The following DLGAP2 variants were observed in gnomAD, a reference collection of about 807,000 sequenced individuals.
DLGAP2 encodes the protein disks large-associated protein 2.
DLGAP2 carries 26 observed loss-of-function variants against 100.3 expected under a neutral mutation model. The observed-to-expected ratio is 0.26, with a 90% confidence interval of 0.19 to 0.36. The LOEUF (loss-of-function observed/expected upper bound fraction) is 0.36, where lower values mean the gene tolerates loss of function less well. DLGAP2 is among the 10% of genes least tolerant of loss of function. The pLI, the probability that DLGAP2 is intolerant of heterozygous loss-of-function variation, is 1.00. For synonymous variants in DLGAP2, 886 were observed against 630.1 expected (o/e 1.41, Z -6.08); for missense variants, 1,858 against 1,453.2 (o/e 1.28, Z -4.53).
rs142961878 is a variant in DLGAP2 at position 1,114,509 on chromosome 8, G to T, written c.74-144342G>T. 3.1e-4 allele frequency among the ~76,000 whole-genome samples: 47 copies of T among 152,042 alleles called. 1 individual carries two copies. Among genetic ancestry groups the T allele is most frequent in the African/African-American group, 1.1e-3 (44 of 41,514 alleles). ...ATAGAGGTGTTCATAGTAGTTTTTGGTGGTTATTTTTATTTCTGTGGGGTC... is the reference window on the plus strand; with the variant it reads ...ATAGAGGTGTTCATAGTAGTTTTTGTTGGTTATTTTTATTTCTGTGGGGTC... On this transcript the variant is annotated intron_variant, in intron 2 of 14. Coordinates refer to ENST00000637795, the MANE Select transcript of DLGAP2 (RefSeq NM_001346810.2).
intron 3 of DLGAP2, among the ~76,000 whole-genome samples, chr8:1,450,518 C>T (rs917509964): frequency 2.6e-5 from 4 of 151,546 alleles, no homozygotes; most frequent in African/African-American, 9.7e-5. Context: ...TGAGGCGGAG[C>T]TGTGAGGACA....
At chr8:1,434,522 C>G (rs372638602) in intron 3 of DLGAP2, among the ~76,000 whole-genome samples, 131 of 152,156 alleles carry the variant, frequency 8.6e-4, no homozygotes, top group African/African-American at 2.9e-3. Flanking sequence ...TGTTTCCCAG[C>G]CTGGAGGGCA....
intron 2 of DLGAP2, among the ~76,000 whole-genome samples, chr8:916,418 T>G (rs1257219029): frequency 6.6e-6 from 1 of 152,092 alleles, no homozygotes; most frequent in Non-Finnish European, 1.5e-5. Context: ...TCAGCAACTA[T>G]TGCAAGGACA....
chr8:1,582,633 A>G (rs1286904509), intron 6 of DLGAP2, among the ~76,000 whole-genome samples: 1 of 152,040 alleles, frequency 6.6e-6, no homozygotes, highest in Non-Finnish European at 1.5e-5. Flanking sequence ...TCCGTCACCC[A>G]GGCTGGAGTG....
chr8:747,182 G>A (rs1028917823), intron 1 of DLGAP2, among the ~76,000 whole-genome samples: 1 of 152,082 alleles, frequency 6.6e-6, no homozygotes, highest in Non-Finnish European at 1.5e-5. Flanking sequence ...GCACTGCCCC[G>A]CCTCTGACTG....
intron 1 of DLGAP2, among the ~76,000 whole-genome samples, chr8:773,063 C>G (rs1821408100): frequency 6.6e-6 from 1 of 152,182 alleles, no homozygotes; most frequent in Admixed American, 6.5e-5. Context: ...GCTGACAGAT[C>G]TGTTGAGCTG....
intron 6 of DLGAP2, among the ~76,000 whole-genome samples, chr8:1,589,655 C>T (rs963891052): frequency 6.6e-6 from 1 of 152,104 alleles, no homozygotes; most frequent in African/African-American, 2.4e-5. Context: ...ATCACGTAGC[C>T]CAGGCTGGTC....
intron 2 of DLGAP2, among the ~76,000 whole-genome samples, chr8:1,033,131 C>T (rs1284895952): frequency 6.6e-6 from 1 of 152,106 alleles, no homozygotes; most frequent in African/African-American, 2.4e-5. Context: ...CCCCATCCCT[C>T]TCTGTCTCAG....
Position 1,702,911 on chromosome 8 carries a change from C to G in DLGAP2, c.*1505C>G, listed in dbSNP as rs1368460019. The G allele has an allele frequency of 2.6e-5, 4 of 152,688 alleles. No homozygotes were observed. The South Asian group carries it at 6.2e-4, about 24-fold the overall frequency. The allele number at this position is 152,688 out of a possible 1,614,324, so 9.5% of individuals were successfully genotyped here. A position where few individuals can be genotyped will look rare whatever the true frequency, so the allele number is the denominator to read the frequency against. On this transcript the variant is annotated 3_prime_UTR_variant, in exon 15 of 15. Coordinates refer to ENST00000637795, the MANE Select transcript of DLGAP2 (RefSeq NM_001346810.2). ...TTCCCGGCTTAAGGAGTACCATGTA[C>G]TTAGCCACAGGCAGAATAGCTTTCG... is the stretch of plus-strand genomic sequence containing the variant.
intron 7 of DLGAP2, among the ~76,000 whole-genome samples, chr8:1,631,393 C>T (rs1229376008): frequency 6.6e-6 from 1 of 152,124 alleles, no homozygotes; most frequent in African/African-American, 2.4e-5. Flanking sequence ...ACATCTTTGA[C>T]AGGAATGACA....
At chr8:1,485,801 G>C (rs375447463) in intron 3 of DLGAP2, among the ~76,000 whole-genome samples, 1 of 152,194 alleles carries the variant, frequency 6.6e-6, no homozygotes, top group Non-Finnish European at 1.5e-5. Flanking sequence ...GAGGCAGATG[G>C]ATCACTTGAA....
In DLGAP2 at chr8:1,310,926, A is replaced by C. The variant is rs182632639; in HGVS notation, c.106+52043A>C. Among the ~76,000 whole-genome samples the C allele has an allele frequency of 2.5e-3, 386 of 152,314 alleles. 2 individuals are homozygous for C. Among genetic ancestry groups the C allele is most frequent in the Non-Finnish European group, 4.5e-3 (308 of 68,012 alleles). ...GAATCAGAAGAAAGCTATCAGACAG[A>C]ATTAACACAGAGTAAAAAAGAGATC... On this transcript the variant is annotated intron_variant, in intron 3 of 14. Coordinates refer to ENST00000637795, the MANE Select transcript of DLGAP2 (RefSeq NM_001346810.2).
At chr8:972,902 C>T (rs2129012553) in intron 2 of DLGAP2, among the ~76,000 whole-genome samples, 1 of 152,234 alleles carries the variant, frequency 6.6e-6, no homozygotes, top group East Asian at 1.9e-4. Flanking sequence ...CCTGAGTGGA[C>T]ACAGCAGATG....
chr8:1,244,387 A>T (rs1031321743), intron 2 of DLGAP2, among the ~76,000 whole-genome samples: 3 of 152,224 alleles, frequency 2.0e-5, no homozygotes, highest in East Asian at 1.9e-4. Context: ...GAACATAGGG[A>T]TATGAGCTCC....
chr8:1,507,107 T>C (rs1317623891), intron 4 of DLGAP2, among the ~76,000 whole-genome samples: 1 of 152,228 alleles, frequency 6.6e-6, no homozygotes, highest in East Asian at 1.9e-4. Context: ...TGGCTTCACC[T>C]AGCGGATCCT....
chr8:890,108 A>G (rs1432580472), intron 1 of DLGAP2, among the ~76,000 whole-genome samples: 2 of 151,964 alleles, frequency 1.3e-5, no homozygotes, highest in Non-Finnish European at 2.9e-5. Context: ...GAGAACCTGG[A>G]TACCTTGGCT....
chr8:1,307,941 T>TGGC (rs199948271), intron 3 of DLGAP2, among the ~76,000 whole-genome samples: 180 of 113,420 alleles, frequency 1.6e-3, no homozygotes, highest in African/African-American at 7.6e-3. Flanking sequence ...TTGGAGACAA[T>TGGC]GGCACAATGG....
At chr8:1,303,867 C>T (rs983509714) in intron 3 of DLGAP2, among the ~76,000 whole-genome samples, 8 of 152,186 alleles carry the variant, frequency 5.3e-5, no homozygotes, top group Admixed American at 4.6e-4. Flanking sequence ...GATGGCCTGC[C>T]TCTGGCCAGA....
At chr8:869,998 GC>G (rs1797567505) in intron 1 of DLGAP2, among the ~76,000 whole-genome samples, 1 of 149,452 alleles carries the variant, frequency 6.7e-6, no homozygotes, top group Non-Finnish European at 1.5e-5. Flanking sequence ...AAGATACCGT[GC>G]CTAATTTACA....
Sources: allele counts gnomAD v4.1 joint callset (sites outside exome capture counted in the v4.1 genomes callset), GRCh38; gene constraint gnomAD v4.1.1; transcripts MANE v1.5; gene names NCBI Gene and HGNC (gene_info 2026-07-23, HGNC 2026-07-21).